PSMD6: variants seen among roughly 807,000 people sequenced by gnomAD.
PSMD6 encodes proteasome 26S subunit, non-ATPase 6.
Under a neutral mutation model 44.9 loss-of-function variants are expected in PSMD6, and 7 were observed. The ratio of observed to expected loss-of-function variants is 0.16; its 90% CI spans 0.09 to 0.29. The LOEUF is 0.29. Ranked by LOEUF, PSMD6 falls within the 10% of genes least tolerant of loss-of-function variation. The pLI is 1.00. For missense variants in PSMD6, 420 were observed against 482.6 expected (o/e 0.87, Z 1.21); for synonymous variants, 184 against 172.7 (o/e 1.07, Z -0.51).
At chr3:64,022,856 C>A in intron 1 of PSMD6, 1 of 1,528,528 alleles carries the variant, frequency 6.5e-7, no homozygotes, top group South Asian at 1.2e-5. Flanking sequence ...TATGTTCAAA[C>A]ATACACATTC....
chr3:64,017,955 C>T (rs541253772), intron 5 of PSMD6, among the ~76,000 whole-genome samples: 1 of 152,192 alleles, frequency 6.6e-6, no homozygotes, highest in South Asian at 2.1e-4. Flanking sequence ...AACCAAATAG[C>T]CAGGAAAGAA....
Position 64,018,587 on chromosome 3 carries a change from C to T in PSMD6, c.826+12G>A, listed in dbSNP as rs2076083602. 6.6e-7 allele frequency: 1 copy of T among 1,513,174 alleles called. No individual in the cohort carries two copies. The highest frequency in any genetic ancestry group is 1.1e-5 in the South Asian group (1 of 87,348). 93.7% of individuals were successfully genotyped at this position (1,513,174 alleles called of 1,614,324 possible). A position where few individuals can be genotyped will look rare whatever the true frequency, so the allele number is the denominator to read the frequency against. Reference sequence around the variant, plus strand: ...GAAGACAGATAATCAAAAATATCAACCCTATCCTTACCTAATGATTGGAAG... The same window carrying T: ...GAAGACAGATAATCAAAAATATCAATCCTATCCTTACCTAATGATTGGAAG... On this transcript the variant is annotated intron_variant, in intron 5 of 7. Coordinates refer to ENST00000295901, the MANE Select transcript of PSMD6 (RefSeq NM_014814.3).
At chr3:64,021,321 T>C (rs780081566) in intron 2 of PSMD6, among the ~76,000 whole-genome samples, 4 of 152,166 alleles carry the variant, frequency 2.6e-5, no homozygotes, top group Non-Finnish European at 4.4e-5. Flanking sequence ...GATTTATGTA[T>C]GTTGGCATGG....
rs371159830 is a variant in PSMD6, at chr3:64,010,947, G to C, written c.1004C>G (p.Ser335Cys). 1.9e-6 allele frequency: 3 copies of C among 1,599,604 alleles called. No homozygotes were observed. Among genetic ancestry groups the C allele is most frequent in the Non-Finnish European group, 2.6e-6 (3 of 1,172,538 alleles). ...TAGTCTCCCGGCAGCAATAAACCTGGACAGTTCCCTAATTTAGAGACAAAA... is the reference window on the plus strand; with the variant it reads ...TAGTCTCCCGGCAGCAATAAACCTGCACAGTTCCCTAATTTAGAGACAAAA... ...VGVEFIDQEL[S>C]RFIAAGRLHC... Residue 335 changes from serine (S) to cysteine (C), a missense_variant, in exon 7 of 8, where the codon TCC (serine) becomes TGC (cysteine). This residue lies in a region of PSMD6 where 63 missense variants were observed against 112.1 expected (regional missense o/e 0.56). Coordinates refer to ENST00000295901, the MANE Select transcript of PSMD6 (RefSeq NM_014814.3).
chr3:64,022,426 C>T lies in PSMD6; in HGVS notation c.243G>A (p.Leu81=). 4 of 1,614,246 alleles carry T rather than the reference C, an allele frequency of 2.5e-6. No individual in the cohort carries two copies. The highest frequency in any genetic ancestry group is 1.3e-5 in the African/African-American group (1 of 75,072). The change falls in exon 2 of 8, where the codon TTG becomes TTA. Residue 81 remains leucine (L), a synonymous_variant. Coordinates refer to ENST00000295901, the MANE Select transcript of PSMD6 (RefSeq NM_014814.3). ...NKMKKANEDE[L]KRLDEELEDA... ...CTTCCAGCTCCTCATCCAAACGCTT[C>T]AACTCATCTTCATTTGCCTTCTTCA... is the stretch of plus-strand genomic sequence containing the variant.
At position 64,020,443 on chromosome 3, in the gene PSMD6, T is replaced by C. The variant is rs529843904; in HGVS notation, c.352-1002A>G. 3.9e-5 allele frequency among the ~76,000 whole-genome samples: 6 copies of C among 152,332 alleles called. No individual in the cohort carries two copies. The South Asian group carries it at 8.3e-4, about 21-fold the overall frequency. ...CAACTTCCTGATACTGATTCAAGCA[T>C]GTCCTTGTTGAAATTCTTCAAAACC... On this transcript the variant is annotated intron_variant, in intron 2 of 7. Transcript: ENST00000295901.
At chr3:64,015,855 C>T (rs1381004805) in intron 5 of PSMD6, 3 of 152,030 alleles carry the variant, frequency 2.0e-5, no homozygotes, top group Admixed American at 1.3e-4. Flanking sequence ...CATATAACTT[C>T]GGTTTTTAAA....
intron 5 of PSMD6, chr3:64,018,381 T>G (rs2076080428): frequency 2.5e-6 from 1 of 396,774 alleles, no homozygotes; most frequent in African/African-American, 2.1e-5. Context: ...ACTTTAAAAA[T>G]GTAAAAATCA....
chr3:64,020,161 CTAA>C (rs2076107361), intron 2 of PSMD6, among the ~76,000 whole-genome samples: 1 of 152,086 alleles, frequency 6.6e-6, no homozygotes. Flanking sequence ...GAAAATAAGA[CTAA>C]TGAGATATGT....
intron 2 of PSMD6, 34 bp from the exon 3 acceptor site, chr3:64,019,475 G>A: frequency 1.9e-6 from 3 of 1,582,462 alleles, no homozygotes; most frequent in Non-Finnish European, 2.6e-6. Flanking sequence ...GGTGAGAAAA[G>A]GCTACAAGTT....
intron 5 of PSMD6, chr3:64,016,045 G>A (rs1398824579): frequency 6.6e-6 from 1 of 152,038 alleles, no homozygotes; most frequent in African/African-American, 2.4e-5. Context: ...AAATTAGCCG[G>A]GCATGGTGGC....
rs538356562 is a variant in PSMD6 at position 64,022,202 on chromosome 3, T to G, written c.351+116A>C. 1.6e-5 allele frequency: 18 copies of G among 1,153,510 alleles called. No individual in the cohort carries two copies. The African/African-American group carries it at 2.8e-4, about 18-fold the overall frequency. 71.5% of individuals were successfully genotyped at this position (1,153,510 alleles called of 1,614,324 possible). A position where few individuals can be genotyped will look rare whatever the true frequency, so the allele number is the denominator to read the frequency against. The stretch of plus-strand genomic sequence containing the variant: ...ATTCACCAGTACAAGCAAGCATGAT[T>G]ACCTTTATACTTTTTCTAAAACGAA... On this transcript the variant is annotated intron_variant, in intron 2 of 7. Transcript: ENST00000295901.
chr3:64,018,857 G>A lies in PSMD6; in HGVS notation c.678C>T (p.Val226=), dbSNP rs2076088882. 2.5e-6 allele frequency: 4 copies of A among 1,594,490 alleles called. No individual in the cohort carries two copies. In the East Asian group the frequency reaches 6.7e-5, roughly 27 times the overall value. Residue 226 remains valine (V), a synonymous_variant, in exon 4 of 8, where the codon GTC becomes GTT. Transcript: ENST00000295901. ...YKTFVTYTVY[V]SMIALERPDL... ...CTGGTCTTTCTAAGGCAATCATACT[G>A]ACATAGACAGTATAAGTCACAAATG... is the stretch of plus-strand genomic sequence containing the variant.
intron 5 of PSMD6, chr3:64,015,559 A>G (rs1286210150): frequency 6.6e-6 from 1 of 152,258 alleles, no homozygotes; most frequent in Non-Finnish European, 1.5e-5. Context: ...ATAGCCACTC[A>G]AAAACACTTA....
intron 2 of PSMD6, among the ~76,000 whole-genome samples, chr3:64,021,854 A>G (rs553681512): frequency 2.8e-4 from 42 of 152,268 alleles, no homozygotes; most frequent in Non-Finnish European, 5.1e-4. Context: ...ATAAATGCAC[A>G]ATAAAAGAAC....
chr3:64,013,744 G>T, intron 5 of PSMD6, 137 bp from the exon 6 acceptor site: 1 of 737,274 alleles, frequency 1.4e-6, no homozygotes, highest in Non-Finnish European at 2.0e-6. Flanking sequence ...TCCACATCAT[G>T]TCATCAACAA....
At chr3:64,022,979 G>C (rs1020302613) in intron 1 of PSMD6, 17 of 1,423,594 alleles carry the variant, frequency 1.2e-5, no homozygotes, top group Admixed American at 2.6e-5. Flanking sequence ...AGAAAGTCAC[G>C]GGGCCTTTAC....
chr3:64,023,040 G>C, intron 1 of PSMD6: 3 of 1,427,706 alleles, frequency 2.1e-6, no homozygotes, highest in Non-Finnish European at 2.7e-6. Context: ...TCTCCCCCAA[G>C]CTGCCCTTAC....
Position 64,013,444 on chromosome 3 carries a change from A to G in PSMD6, c.990T>C (p.Ile330=). The change falls in exon 6 of 8, where the codon ATT becomes ATC. Residue 330 remains isoleucine (I), a synonymous_variant. Coordinates refer to ENST00000295901, the MANE Select transcript of PSMD6 (RefSeq NM_014814.3). ...AEAFGVGVEF[I]DQELSRFIAA... ...ATGGCATTATTCAAACTTACTGATC[A>G]ATGAATTCCACACCAACACCAAACG... 6.4e-7 allele frequency: 1 copy of G among 1,562,380 alleles called. No individual in the cohort carries two copies. The highest frequency in any genetic ancestry group is 1.2e-5 in the South Asian group (1 of 83,314).
Sources: allele counts gnomAD v4.1 joint callset (sites outside exome capture counted in the v4.1 genomes callset), GRCh38; gene constraint gnomAD v4.1.1; regional missense constraint gnomAD v4.1.1; transcripts MANE v1.5; gene names NCBI Gene and HGNC (gene_info 2026-07-23, HGNC 2026-07-21).